The following FRMPD3 variants were observed in gnomAD, a reference collection of about 807,000 sequenced individuals.
FRMPD3 encodes the protein FERM and PDZ domain-containing protein 3.
A neutral mutation model predicts 97.9 loss-of-function variants in FRMPD3; 42 were observed. The ratio of observed to expected loss-of-function variants is 0.43; its 90% CI spans 0.34 to 0.55. FRMPD3 has a LOEUF of 0.55. Ranked by LOEUF, FRMPD3 falls within the 20% of genes least tolerant of loss-of-function variation. FRMPD3 has a pLI of 0.03. For synonymous variants in FRMPD3, 577 were observed against 581.1 expected, an observed-to-expected ratio of 0.99 and a Z score of 0.10; for missense variants, 1,303 against 1,457.7, an observed-to-expected ratio of 0.89 and a Z score of 1.73.
At chrX:107,510,655 C>T (rs1406899896) in intron 1 of FRMPD3, among the ~76,000 whole-genome samples, 1 of 111,921 alleles carries the variant, frequency 8.9e-6, no homozygotes, top group Non-Finnish European at 1.9e-5. Flanking sequence ...TTTCTGACCA[C>T]TGTTTAAGAA....
chrX:107,548,808 C>T (rs1921728950), intron 5 of FRMPD3, among the ~76,000 whole-genome samples: 1 of 111,822 alleles, frequency 8.9e-6, no homozygotes, highest in African/African-American at 3.2e-5. Context: ...TGCACCACTG[C>T]ACTCCAGCCT....
At chrX:107,480,037 A>G (rs772429496) in intron 1 of FRMPD3, among the ~76,000 whole-genome samples, 64 of 95,728 alleles carry the variant, frequency 6.7e-4, no homozygotes, top group South Asian at 1.9e-3. Flanking sequence ...TGTCTCATTT[A>G]AAAAAAAAAA....
chrX:107,492,772 T>C (rs980593592), intron 1 of FRMPD3, among the ~76,000 whole-genome samples: 1 of 111,840 alleles, frequency 8.9e-6, no homozygotes, highest in African/African-American at 3.3e-5. Flanking sequence ...TTCTCAAACG[T>C]TTTTGCCCAT....
chrX:107,521,326 CTT>C (rs1922502000), intron 1 of FRMPD3, among the ~76,000 whole-genome samples: 1 of 112,346 alleles, frequency 8.9e-6, no homozygotes, highest in Non-Finnish European at 1.9e-5. Flanking sequence ...AAATAGCACT[CTT>C]TTCAGTCCTG....
At chrX:107,528,713 G>T (rs1922800334) in intron 2 of FRMPD3, among the ~76,000 whole-genome samples, 2 of 112,634 alleles carry the variant, frequency 1.8e-5, no homozygotes, top group African/African-American at 3.2e-5. Flanking sequence ...TAAATGTCTT[G>T]CCCAAGGTCA....
intron 4 of FRMPD3, among the ~76,000 whole-genome samples, chrX:107,538,848 G>GA (rs1286453101): frequency 8.9e-6 from 1 of 111,998 alleles, no homozygotes; most frequent in Non-Finnish European, 1.9e-5. Flanking sequence ...TAGTAGAGAC[G>GA]ATGTTTCGCC....
rs756954198 is a variant in FRMPD3, at chrX:107,486,641, G to T, written c.-8+36636G>T. ...GAAAGTTCCTGCCACACTTGTCAAA[G>T]AATCGATTGACTGTAGATAAATGGG... On this transcript the variant is annotated intron_variant, in intron 1 of 14. Coordinates refer to ENST00000683843, the MANE Select transcript of FRMPD3 (RefSeq NM_001388459.1). 3.6e-5 allele frequency among the ~76,000 whole-genome samples: 4 copies of T among 111,909 alleles called. No homozygotes were observed. In the South Asian group the frequency reaches 1.5e-3, roughly 42 times the overall value.
chrX:107,580,901 C>T (rs1300025796), intron 13 of FRMPD3, among the ~76,000 whole-genome samples: 1 of 111,377 alleles, frequency 9.0e-6, no homozygotes, highest in Non-Finnish European at 1.9e-5. Flanking sequence ...CAAGAGAGAT[C>T]TGAAGTCACA....
intron 5 of FRMPD3, 113 bp from the exon 6 acceptor site, chrX:107,549,936 T>C (rs1921787887): frequency 3.9e-6 from 2 of 509,782 alleles, no homozygotes; most frequent in Non-Finnish European, 7.0e-6. Flanking sequence ...CTCCTACACC[T>C]TTGGCTCTCT....
At chrX:107,578,139 GA>G (rs1190891967) in intron 13 of FRMPD3, among the ~76,000 whole-genome samples, 2 of 112,071 alleles carry the variant, frequency 1.8e-5, no homozygotes, top group Non-Finnish European at 3.8e-5. Flanking sequence ...ACAGGCTAGA[GA>G]GGGAGAAAAT....
At chrX:107,543,073 T>G (rs978092504) in intron 4 of FRMPD3, among the ~76,000 whole-genome samples, 7 of 112,197 alleles carry the variant, frequency 6.2e-5, no homozygotes, top group African/African-American at 2.3e-4. Context: ...CTCCATTATG[T>G]TTTAACCATA....
At chrX:107,560,699 T>C in intron 9 of FRMPD3, 28 bp from the exon 10 acceptor site, 1 of 1,154,851 alleles carries the variant, frequency 8.7e-7, no homozygotes, top group Non-Finnish European at 1.2e-6. Flanking sequence ...CCTCTCTCAC[T>C]AATCTCTTAC....
chrX:107,502,093 C>T (rs190346284), intron 1 of FRMPD3, among the ~76,000 whole-genome samples: 67 of 110,833 alleles, frequency 6.0e-4, no homozygotes, highest in South Asian at 2.0e-3. Flanking sequence ...AGGCCATGCA[C>T]GTTAACAAAG....
Position 107,600,733 on chromosome X carries a change from T to C in FRMPD3, c.2694T>C (p.Pro898=), listed in dbSNP as rs1311807564. Residue 898 remains proline (P), a synonymous_variant, in exon 15 of 15, where the codon CCT becomes CCC. Transcript: ENST00000683843. The part of the protein sequence containing the change: ...QKNLSLLSPV[P]EDKGPGHTRA... The stretch of plus-strand genomic sequence containing the variant: ...ATCTGAGTCTGCTGTCCCCAGTTCC[T>C]GAGGACAAAGGGCCTGGCCACACTA... The C allele has an allele frequency of 5.8e-6, 7 of 1,203,466 alleles. No individual in the cohort carries two copies. In the Admixed American group the frequency reaches 1.6e-4, roughly 27 times the overall value.
At chrX:107,537,497 T>A (rs1311832705) in intron 4 of FRMPD3, among the ~76,000 whole-genome samples, 1 of 111,627 alleles carries the variant, frequency 9.0e-6, no homozygotes, top group African/African-American at 3.3e-5. Flanking sequence ...TGTCAAAACA[T>A]TTAATGACCT....
At chrX:107,528,872 A>G (rs1240887771) in intron 2 of FRMPD3, among the ~76,000 whole-genome samples, 1 of 113,053 alleles carries the variant, frequency 8.8e-6, no homozygotes, top group African/African-American at 3.2e-5. Flanking sequence ...TCCTCGAGCA[A>G]TGAATCCTGC....
Position 107,545,823 on chromosome X carries a change from A to C in FRMPD3, c.384A>C (p.Ala128=), listed in dbSNP as rs1569420149. The C allele has an allele frequency of 5.8e-6, 7 of 1,207,035 alleles. No homozygotes were observed. The highest frequency in any genetic ancestry group is 7.8e-6 in the Non-Finnish European group (7 of 892,088). Residue 128 remains alanine (A), a synonymous_variant, in exon 5 of 15, where the codon GCA becomes GCC. Transcript: ENST00000683843. ...AGGTTCGATTTTCTGAGCAGGTGGC[A>C]GTTGGAGAAACAGATGCAGTAAGTG... ...PVKVRFSEQV[A]VGETDAKMMK... is the part of the protein sequence containing the mutation.
Position 107,597,814 on chromosome X carries a change from AC to A in FRMPD3, c.1937del (p.Pro646HisfsTer62). ...DNIVDLMSLP[P>X]PGSEEEEEEE... is the part of the protein sequence containing the mutation. ...ATATAGTAGATTTGATGTCCCTCCC[AC>A]CACCTGGGAGTGAGGAGGAGGAGGA... On this transcript the variant is annotated frameshift_variant, in exon 14 of 15. Coordinates refer to ENST00000683843, the MANE Select transcript of FRMPD3 (RefSeq NM_001388459.1). LOFTEE classifies it high-confidence loss of function. 8.5e-7 allele frequency: 1 copy of A among 1,182,853 alleles called. No individual in the cohort carries two copies.
intron 12 of FRMPD3, among the ~76,000 whole-genome samples, chrX:107,569,070 A>C (rs1293875769): frequency 9.0e-6 from 1 of 111,319 alleles, no homozygotes; most frequent in Non-Finnish European, 1.9e-5. Flanking sequence ...TGAGGCGGGC[A>C]GATCACCTGA....
Sources: allele counts gnomAD v4.1 joint callset (sites outside exome capture counted in the v4.1 genomes callset), GRCh38; gene constraint gnomAD v4.1.1; transcripts MANE v1.5; gene names NCBI Gene and HGNC (gene_info 2026-07-23, HGNC 2026-07-21).